Variants in UEVLD observed in about 807,000 individuals in gnomAD.
UEVLD encodes the protein ubiquitin-conjugating enzyme E2 variant 3.
A neutral mutation model predicts 58.6 loss-of-function variants in UEVLD; 47 were observed. The ratio of observed to expected loss-of-function variants is 0.80; its 90% confidence interval spans 0.63 to 1.02. UEVLD has a LOEUF of 1.02. Among genes scored for constraint, UEVLD ranks in the 50% least tolerant of loss-of-function variants. The pLI, the probability that UEVLD is intolerant of heterozygous loss-of-function variation, is 0.00. For synonymous variants in UEVLD, 197 were observed against 195.3 expected, an observed-to-expected ratio of 1.01 and a Z score of -0.07; for missense variants, 510 against 550.6, an observed-to-expected ratio of 0.93 and a Z score of 0.74.
In UEVLD at chr11:18,534,476, C is replaced by A. The variant is rs752308915; in HGVS notation, c.1125-23G>T. On this transcript the variant is annotated intron_variant, in intron 10 of 11. Transcript: ENST00000396197. The stretch of plus-strand genomic sequence containing the variant: ...GCTCTAGGTTACAAAAATACGTGAT[C>A]TCAGAAAATGCATAAAATATGCACA... 5.8e-6 allele frequency: 9 copies of A among 1,552,250 alleles called. No homozygotes were observed. In the East Asian group the frequency reaches 2.2e-4, roughly 38 times the overall value.
chr11:18,548,312 T>C (rs1051628505), intron 7 of UEVLD, among the ~76,000 whole-genome samples: 10 of 152,164 alleles, frequency 6.6e-5, no homozygotes, highest in Admixed American at 1.3e-4. Context: ...AAGAGAACCA[T>C]AATAAAGTAA....
At chr11:18,584,008 C>T (rs191894932) in intron 1 of UEVLD, among the ~76,000 whole-genome samples, 1 of 152,192 alleles carries the variant, frequency 6.6e-6, no homozygotes, top group East Asian at 1.9e-4. Context: ...TCCGAGGTAA[C>T]TCAGCTGGAG....
chr11:18,567,670 C>A (rs780200749), intron 4 of UEVLD, among the ~76,000 whole-genome samples: 70 of 152,266 alleles, frequency 4.6e-4, no homozygotes, highest in Non-Finnish European at 8.5e-4. Context: ...ATAGGCCTAA[C>A]GCGGCCCTCT....
At chr11:18,548,832 G>A (rs1851404294) in intron 7 of UEVLD, among the ~76,000 whole-genome samples, 1 of 152,128 alleles carries the variant, frequency 6.6e-6, no homozygotes, top group South Asian at 2.1e-4. Context: ...TTCTAGTGAT[G>A]GTAGATCTAA....
At chr11:18,545,633 C>T (rs2133976295) in intron 8 of UEVLD, among the ~76,000 whole-genome samples, 1 of 151,388 alleles carries the variant, frequency 6.6e-6, no homozygotes, top group African/African-American at 2.4e-5. Flanking sequence ...TTAATAGAGG[C>T]AGGGTTTCAC....
At chr11:18,538,503 G>A (rs1397188968) in intron 9 of UEVLD, among the ~76,000 whole-genome samples, 2 of 151,390 alleles carry the variant, frequency 1.3e-5, no homozygotes, top group Admixed American at 1.3e-4. Flanking sequence ...AGTAGAGACG[G>A]GTTTTCACCA....
chr11:18,573,474 G>A (rs1165815320), intron 3 of UEVLD, among the ~76,000 whole-genome samples: 1 of 151,966 alleles, frequency 6.6e-6, no homozygotes, highest in Non-Finnish European at 1.5e-5. Flanking sequence ...ACAGGTCTGA[G>A]TAAAATTCTC....
chr11:18,542,859 C>T (rs1851111693), intron 9 of UEVLD, among the ~76,000 whole-genome samples: 1 of 150,376 alleles, frequency 6.6e-6, no homozygotes, highest in South Asian at 2.1e-4. Context: ...ATTACCTCCT[C>T]ACCGGCAGAG....
At chr11:18,536,500 T>C in intron 9 of UEVLD, 31 bp from the exon 10 acceptor site, 6 of 1,570,334 alleles carry the variant, frequency 3.8e-6, no homozygotes, top group Non-Finnish European at 5.3e-6. Flanking sequence ...AATTATGTTT[T>C]GCCAGTGACT....
chr11:18,580,659 A>T (rs1853193326), intron 1 of UEVLD, among the ~76,000 whole-genome samples: 1 of 151,704 alleles, frequency 6.6e-6, no homozygotes, highest in African/African-American at 2.4e-5. Flanking sequence ...GAAAAAAAAA[A>T]AAAAGAAAAA....
chr11:18,561,756 A>C (rs1052910126), intron 6 of UEVLD, among the ~76,000 whole-genome samples: 1 of 151,494 alleles, frequency 6.6e-6, no homozygotes, highest in African/African-American at 2.4e-5. Context: ...ACTTGAACCC[A>C]GGAGGCAGGA....
At chr11:18,536,824 T>C (rs183345917) in intron 9 of UEVLD, 230 of 196,094 alleles carry the variant, frequency 1.2e-3, no homozygotes, top group Middle Eastern at 6.3e-3. Context: ...TTTCACCAGG[T>C]AGGGAATAAT....
At chr11:18,549,402 C>T (rs1209875644) in intron 7 of UEVLD, among the ~76,000 whole-genome samples, 1 of 152,054 alleles carries the variant, frequency 6.6e-6, no homozygotes, top group African/African-American at 2.4e-5. Context: ...ATAGTAGTGG[C>T]TACCTAATAT....
At chr11:18,543,283 C>T (rs761672933) in intron 9 of UEVLD, among the ~76,000 whole-genome samples, 3 of 152,186 alleles carry the variant, frequency 2.0e-5, no homozygotes, top group Non-Finnish European at 4.4e-5. Context: ...GAAGTAATGA[C>T]TAATTTTCCC....
intron 5 of UEVLD, 119 bp downstream of exon 5, chr11:18,566,228 C>T (rs2134024894): frequency 7.1e-7 from 1 of 1,409,454 alleles, no homozygotes; most frequent in East Asian, 2.3e-5. Flanking sequence ...ATTTCAAAAA[C>T]AGATGTACAT....
intron 10 of UEVLD, among the ~76,000 whole-genome samples, chr11:18,535,850 T>C (rs1022868064): frequency 7.2e-5 from 11 of 152,124 alleles, no homozygotes; most frequent in African/African-American, 2.7e-4. Flanking sequence ...ATTAAGAAAA[T>C]TGTTGGCCTG....
intron 9 of UEVLD, among the ~76,000 whole-genome samples, chr11:18,536,945 T>C (rs1421981456): frequency 6.8e-6 from 1 of 147,316 alleles, no homozygotes; most frequent in African/African-American, 2.5e-5. Flanking sequence ...GCCCAGGCTG[T>C]AGTGCAGTGG....
chr11:18,552,927 G>C (rs1180815050), intron 7 of UEVLD, among the ~76,000 whole-genome samples: 1 of 151,862 alleles, frequency 6.6e-6, no homozygotes, highest in East Asian at 1.9e-4. Flanking sequence ...AGGCCAAGGC[G>C]GGTGGATCAC....
At chr11:18,588,581 G>T (rs779716737) in intron 1 of UEVLD, 32 bp downstream of exon 1, 4 of 1,607,546 alleles carry the variant, frequency 2.5e-6, no homozygotes, top group Admixed American at 1.7e-5. Context: ...AAGACCCTGA[G>T]GACCCAAACT....
Sources: gnomAD v4.1 joint callset for allele counts (sites outside exome capture counted in the v4.1 genomes callset) on GRCh38, gnomAD v4.1.1 for gene constraint, MANE v1.5 for transcripts, NCBI Gene and HGNC (gene_info 2026-07-23, HGNC 2026-07-21) for gene names.